ITGB5: variants seen among roughly 807,000 people sequenced by gnomAD.
ITGB5 encodes integrin beta-5.
ITGB5 carries 38 observed loss-of-function variants against 84.8 expected under a neutral mutation model. That is an observed-to-expected ratio of 0.45 (90% CI 0.35 to 0.59). ITGB5 has a LOEUF of 0.59. Among genes scored for constraint, ITGB5 ranks in the 20% least tolerant of loss-of-function variants. The pLI is 0.01. For missense variants in ITGB5, 905 were observed against 1,034.5 expected, an observed-to-expected ratio of 0.87 and a Z score of 1.72; for synonymous variants, 393 against 414.4, an observed-to-expected ratio of 0.95 and a Z score of 0.63.
intron 9 of ITGB5, among the ~76,000 whole-genome samples, chr3:124,800,434 C>T (rs1422593841): frequency 6.6e-6 from 1 of 152,198 alleles, no homozygotes; most frequent in Non-Finnish European, 1.5e-5. Context: ...TAGGGCACCC[C>T]TAAAGTTCTG....
intron 5 of ITGB5, among the ~76,000 whole-genome samples, chr3:124,838,092 G>C (rs771352534): frequency 7.9e-5 from 12 of 152,002 alleles, no homozygotes; most frequent in Non-Finnish European, 1.2e-4. Context: ...ATATGGGTGT[G>C]GTTGGGAATA....
chr3:124,765,856 A>G (rs2063758597), intron 13 of ITGB5, among the ~76,000 whole-genome samples: 1 of 152,172 alleles, frequency 6.6e-6, no homozygotes, highest in African/African-American at 2.4e-5. Flanking sequence ...CAGGAGTTCG[A>G]GACCAGCCTG....
At chr3:124,891,593 CAAA>C (rs59385283), upstream of ITGB5, among the ~76,000 whole-genome samples, 10 of 103,700 alleles carry the variant, frequency 9.6e-5, no homozygotes, top group African/African-American at 1.0e-4. Flanking sequence ...ATAACTGCCT[CAAA>C]AAAAAAAAAA....
chr3:124,815,345 C>T (rs1314086082), intron 8 of ITGB5, among the ~76,000 whole-genome samples: 3 of 152,228 alleles, frequency 2.0e-5, no homozygotes, highest in Non-Finnish European at 1.5e-5. Flanking sequence ...CCAGCCAATG[C>T]TCTTGGGGAG....
intron 12 of ITGB5, among the ~76,000 whole-genome samples, chr3:124,768,534 T>C (rs1354762057): frequency 1.3e-5 from 2 of 152,248 alleles, no homozygotes; most frequent in Non-Finnish European, 2.9e-5. Flanking sequence ...CTCCGCACTG[T>C]GGTCAGGCCT....
chr3:124,855,006 A>G (rs1330974266), intron 3 of ITGB5, among the ~76,000 whole-genome samples: 2 of 152,252 alleles, frequency 1.3e-5, no homozygotes, highest in East Asian at 3.9e-4. Flanking sequence ...AAGACACAAA[A>G]GCATTTCTAA....
chr3:124,834,279 C>T (rs989069602), intron 5 of ITGB5, among the ~76,000 whole-genome samples: 1 of 151,784 alleles, frequency 6.6e-6, no homozygotes, highest in Non-Finnish European at 1.5e-5. Flanking sequence ...AAATATACCA[C>T]ACTGATGTGG....
At chr3:124,818,142 C>G (rs2064635769) in intron 7 of ITGB5, among the ~76,000 whole-genome samples, 2 of 152,118 alleles carry the variant, frequency 1.3e-5, no homozygotes, top group Non-Finnish European at 2.9e-5. Flanking sequence ...AAAAGGGCAA[C>G]TTTTCCAAGG....
rs613740 is a variant in ITGB5, at chr3:124,768,367, C to T, written c.2017+646G>A. Among the ~76,000 whole-genome samples the T allele has an allele frequency of 7.7e-3, 1,166 of 152,330 alleles. 16 individuals are homozygous for T. Among genetic ancestry groups the T allele is most frequent in the African/African-American group, 0.027 (1,102 of 41,558 alleles). On this transcript the variant is annotated intron_variant, in intron 12 of 14. Transcript: ENST00000296181. ...CATTCCCACTAATTCTGAATATTTC[C>T]ATCACCACAGAAAGAAATCCACACC...
In ITGB5 at chr3:124,884,736, A is replaced by C. The variant is rs116930828; in HGVS notation, c.70+2195T>G. Among the ~76,000 whole-genome samples the C allele has an allele frequency of 8.1e-4, 124 of 152,266 alleles. 2 individuals carry two copies. In the East Asian group the frequency reaches 0.021, roughly 26 times the overall value. ...ATAGGCAATGGGAAAACAGGACCCC[A>C]AAAGAGTTGCAAATGAACCACCATG... On this transcript the variant is annotated intron_variant, in intron 1 of 14. Transcript: ENST00000296181.
intron 5 of ITGB5, among the ~76,000 whole-genome samples, chr3:124,835,236 G>A (rs566104503): frequency 2.6e-5 from 4 of 152,366 alleles, no homozygotes; most frequent in African/African-American, 9.6e-5. Context: ...AGCAGCTGTC[G>A]GTGGGGCTGC....
rs577824136 is a variant in ITGB5, at chr3:124,771,466, G to A, written c.1916+2224C>T. On this transcript the variant is annotated intron_variant, in intron 11 of 14. Transcript: ENST00000296181. The stretch of plus-strand genomic sequence containing the variant: ...CCAGAGACAAATAAGAAGGAATAGT[G>A]GGCTGGGTGTAATGGCTCACACCTG... Among the ~76,000 whole-genome samples, 30 of 152,216 alleles carry A rather than the reference G, an allele frequency of 2.0e-4. No individual in the cohort carries two copies. The South Asian group carries it at 6.2e-3, about 32-fold the overall frequency.
In ITGB5 at chr3:124,764,418, G is replaced by T. The variant is rs199862649; in HGVS notation, c.2277C>A (p.Ser759Arg). The T allele has an allele frequency of 6.2e-7, 1 of 1,612,574 alleles. No individual in the cohort carries two copies. The highest frequency in any genetic ancestry group is 2.2e-5 in the East Asian group (1 of 44,844). Residue 759 changes from serine (S) to arginine (R), a missense_variant, in exon 14 of 15, where the codon AGC becomes AGA. Physicochemically the swap from Ser to Arg is moderately radical, Grantham distance 110. Transcript: ENST00000296181. ...TTTCATAGCGGGCCCTGGATCGCTC[G>T]CTCTGAAACTTTGCAAACTCCCTCC... is the stretch of plus-strand genomic sequence containing the variant. ...HDRREFAKFQSERSRARYEMA... is the reference protein window; with the variant it reads ...HDRREFAKFQRERSRARYEMA...
chr3:124,870,593 G>A (rs1166896285), intron 2 of ITGB5, among the ~76,000 whole-genome samples: 1 of 152,194 alleles, frequency 6.6e-6, no homozygotes, highest in Non-Finnish European at 1.5e-5. Flanking sequence ...CGGGTGTGGT[G>A]CCACGTGCCT....
intron 10 of ITGB5, among the ~76,000 whole-genome samples, chr3:124,794,610 A>G (rs903811022): frequency 1.3e-5 from 2 of 151,628 alleles, no homozygotes; most frequent in Admixed American, 6.6e-5. Context: ...GGGAAACCCC[A>G]TATCTATTTA....
chr3:124,770,849 G>A (rs2063832075), intron 11 of ITGB5, among the ~76,000 whole-genome samples: 1 of 152,224 alleles, frequency 6.6e-6, no homozygotes, highest in Non-Finnish European at 1.5e-5. Context: ...GGCCAGGAAG[G>A]GGTGGTTCCA....
In ITGB5 at chr3:124,886,981, G is replaced by C; in HGVS notation, c.20C>G (p.Pro7Arg). 1 of 1,198,372 alleles carries C rather than the reference G, an allele frequency of 8.3e-7. No individual in the cohort carries two copies. The allele number at this position is 1,198,372 out of a possible 1,614,324, so 74.2% of individuals were successfully genotyped here. A position where few individuals can be genotyped will look rare whatever the true frequency, so the allele number is the denominator to read the frequency against. Reference protein sequence around the residue: MPRAPAPLYACLLGLCA... With the variant: MPRAPARLYACLLGLCA... ...GAGCCCCAGGAGGCAGGCGTACAGC[G>C]GCGCCGGGGCCCGCGGCATGGTGGG... Residue 7 changes from proline (P) to arginine (R), a missense_variant, in exon 1 of 15, where the codon CCG (proline) becomes CGG (arginine). By Grantham distance (103) the Pro-to-Arg change is moderately radical. Coordinates refer to ENST00000296181, the MANE Select transcript of ITGB5 (RefSeq NM_002213.5).
upstream of ITGB5, among the ~76,000 whole-genome samples, chr3:124,890,970 G>A (rs1403916194): frequency 6.6e-6 from 1 of 151,458 alleles, no homozygotes; most frequent in East Asian, 1.9e-4. Context: ...TGCTCACCTC[G>A]AGGCAAAACT....
chr3:124,819,793 C>T lies in ITGB5; in HGVS notation c.984G>A (p.Glu328=), dbSNP rs2064671014. ...SLALLGEKLA[E]NNINLIFAVT... Reference sequence around the variant, plus strand: ...CTGCAAAGATGAGGTTGATGTTGTTCTCTGCCAATTTCTCTCCAAGCAAGG... The same window carrying T: ...CTGCAAAGATGAGGTTGATGTTGTTTTCTGCCAATTTCTCTCCAAGCAAGG... Residue 328 remains glutamate, a synonymous_variant, in exon 7 of 15, where the codon GAG becomes GAA. Transcript: ENST00000296181. 6.2e-7 allele frequency: 1 copy of T among 1,613,988 alleles called. No homozygotes were observed. The highest frequency in any genetic ancestry group is 1.7e-5 in the Admixed American group (1 of 60,010).
Sources: gnomAD v4.1 joint callset for allele counts (sites outside exome capture counted in the v4.1 genomes callset) on GRCh38, gnomAD v4.1.1 for gene constraint, MANE v1.5 for transcripts, NCBI Gene and HGNC (gene_info 2026-07-23, HGNC 2026-07-21) for gene names.